The following MAP4K1 variants were observed in gnomAD, a reference collection of about 807,000 sequenced individuals.
The protein encoded by MAP4K1 is mitogen-activated protein kinase kinase kinase kinase 1, also known as MAPK/ERK kinase kinase kinase 1.
MAP4K1 carries 35 observed loss-of-function variants against 122.8 expected under a neutral mutation model. The observed-to-expected ratio is 0.29, with a 90% CI of 0.22 to 0.38. MAP4K1 has a LOEUF of 0.38. Among genes scored for constraint, MAP4K1 ranks in the 10% least tolerant of loss-of-function variants. MAP4K1 has a pLI of 1.00. For missense variants in MAP4K1, 791 were observed against 1,072.6 expected, an observed-to-expected ratio of 0.74 and a Z score of 3.67; for synonymous variants, 412 against 421.3, an observed-to-expected ratio of 0.98 and a Z score of 0.27.
intron 3 of MAP4K1, 70 bp from the exon 4 acceptor site, chr19:38,616,329 T>G: frequency 7.7e-7 from 1 of 1,300,688 alleles, no homozygotes; most frequent in Non-Finnish European, 1.1e-6. Context: ...AGCCCCTGGT[T>G]TGCTTCTGTC....
At chr19:38,607,581 G>A (rs1352505421) in intron 16 of MAP4K1, among the ~76,000 whole-genome samples, 1 of 135,504 alleles carries the variant, frequency 7.4e-6, no homozygotes, top group African/African-American at 2.7e-5. Context: ...AAAAAAAAAA[G>A]AAGAAGGTGG....
At chr19:38,592,117 T>C (rs971142709) in intron 30 of MAP4K1, among the ~76,000 whole-genome samples, 2 of 151,118 alleles carry the variant, frequency 1.3e-5, no homozygotes, top group Non-Finnish European at 2.9e-5. Flanking sequence ...ACAAAAAAAT[T>C]TTAAAAATTA....
intron 22 of MAP4K1, among the ~76,000 whole-genome samples, chr19:38,599,033 A>G (rs1974977743): frequency 6.8e-6 from 1 of 147,660 alleles, no homozygotes; most frequent in African/African-American, 2.5e-5. Flanking sequence ...AAAAAAAAAA[A>G]AAGGACTAAT....
rs1204935765 is a variant in MAP4K1 at position 38,617,856 on chromosome 19, G to A, written c.40C>T (p.Arg14Trp). The change falls in exon 1 of 31, where the codon CGG becomes TGG. Residue 14 changes from arginine to tryptophan, a missense_variant. Arg to Trp is a moderately radical substitution (Grantham distance 101). Transcript: ENST00000396857. The surrounding 1 kb of genome is among the most constrained non-coding windows in gnomAD (Gnocchi z 4.1). ...VDPDIFNRDP[R>W]DHYDLLQRLG... ...CGCTGTAGCAGGTCATAGTGGTCCC[G>A]GGGGTCTCTATTGAAAATGTCAGGG... 1.2e-6 allele frequency: 2 copies of A among 1,614,036 alleles called. No homozygotes were observed. Among genetic ancestry groups the A allele is most frequent in the Non-Finnish European group, 1.7e-6 (2 of 1,180,018 alleles).
chr19:38,617,911 C>G lies in MAP4K1; in HGVS notation c.-16G>C, dbSNP rs1975701796. 1.9e-6 allele frequency: 3 copies of G among 1,611,522 alleles called. No individual in the cohort carries two copies. The highest frequency in any genetic ancestry group is 3.3e-5 in the Admixed American group (2 of 60,004). ...CGACGTCCATCCCTGGGGGCCTGAG[C>G]TGGGCCTGCGCCCAGGGGCCAGCAG... On this transcript the variant is annotated 5_prime_UTR_variant, in exon 1 of 31. Transcript: ENST00000396857. The surrounding 1 kb of genome is among the most constrained non-coding windows in gnomAD (Gnocchi z 4.1).
chr19:38,589,726 T>A (rs1974648497), intron 30 of MAP4K1, among the ~76,000 whole-genome samples: 1 of 152,096 alleles, frequency 6.6e-6, no homozygotes, highest in Non-Finnish European at 1.5e-5. Context: ...GTGGGATACT[T>A]CTTATTACAA....
intron 20 of MAP4K1, 29 bp downstream of exon 20, chr19:38,601,411 AG>A (rs1252984324): frequency 6.3e-7 from 1 of 1,579,382 alleles, no homozygotes; most frequent in Non-Finnish European, 8.6e-7. Flanking sequence ...CATTCCCTAC[AG>A]GATCTCCTTG....
At chr19:38,613,299 T>C (rs1479390078) in intron 8 of MAP4K1, among the ~76,000 whole-genome samples, 9 of 99,684 alleles carry the variant, frequency 9.0e-5, no homozygotes, top group South Asian at 3.5e-4. Flanking sequence ...AGAGCAAAAC[T>C]CCGTCTCAAG....
intron 11 of MAP4K1, 141 bp downstream of exon 11, chr19:38,610,910 G>T: frequency 1.4e-6 from 1 of 724,686 alleles, no homozygotes; most frequent in Non-Finnish European, 2.4e-6. Flanking sequence ...GGTGGTCGGG[G>T]GTGGTCCTGG....
chr19:38,588,751 CAA>C (rs1207148126), intron 30 of MAP4K1, among the ~76,000 whole-genome samples: 33 of 98,208 alleles, frequency 3.4e-4, no homozygotes, highest in Non-Finnish European at 3.5e-4. Flanking sequence ...GCCTCTGTCT[CAA>C]AAAAAAAAAA....
Position 38,596,386 on chromosome 19 carries a change from C to A in MAP4K1, c.2042G>T (p.Arg681Leu), listed in dbSNP as rs201235545. The part of the protein sequence containing the change: ...PAVCIGVSPG[R>L]PGKSVLFHTV... ...GTGGAAGAGCACCGACTTCCCCGGC[C>A]GCCCGGGGCTCACGCCGATGCACAC... Residue 681 changes from arginine to leucine, a missense_variant, in exon 26 of 31, where the codon CGG becomes CTG. Around this residue, in one of 4 missense-constraint regions of MAP4K1, gnomAD observed 267 missense variants for 323.0 expected, o/e 0.83. Transcript: ENST00000396857. 6 of 1,598,314 alleles carry A rather than the reference C, an allele frequency of 3.8e-6. No homozygotes were observed. The highest frequency in any genetic ancestry group is 4.3e-6 in the Non-Finnish European group (5 of 1,175,496).
intron 19 of MAP4K1, among the ~76,000 whole-genome samples, chr19:38,604,840 A>C (rs1284810836): frequency 6.6e-6 from 1 of 151,268 alleles, no homozygotes; most frequent in East Asian, 1.9e-4. Context: ...TAATCCCAGC[A>C]CTTTGGGAGG....
Position 38,611,942 on chromosome 19 carries a change from A to G in MAP4K1, c.666-637T>C, listed in dbSNP as rs536645518. ...AGTGAAACCCCGTCTCTACCAAAAC[A>G]TACAAAAATTAGCCAGGCATGGTGG... On this transcript the variant is annotated intron_variant, in intron 9 of 30. Coordinates refer to ENST00000396857, the MANE Select transcript of MAP4K1 (RefSeq NM_001042600.3). 7.9e-5 allele frequency among the ~76,000 whole-genome samples: 12 copies of G among 151,420 alleles called. No individual in the cohort carries two copies. In the East Asian group the frequency reaches 2.1e-3, roughly 27 times the overall value.
chr19:38,614,198 T>C (rs767782021), intron 6 of MAP4K1, 47 bp downstream of exon 6: 1 of 1,610,240 alleles, frequency 6.2e-7, no homozygotes, highest in Non-Finnish European at 8.5e-7. Context: ...GCCACTCCCA[T>C]CTCCTGGGCC....
chr19:38,617,692 G>A lies in MAP4K1; in HGVS notation c.100-67C>T, dbSNP rs967771544. 6.4e-5 allele frequency: 103 copies of A among 1,605,064 alleles called. 1 individual carries two copies. Among genetic ancestry groups the A allele is most frequent in the South Asian group, 4.3e-4 (39 of 90,928 alleles). ...CAGAGTCCCTCCACAGCATCCCTGA[G>A]TCAAGGTCAAGAACTGGGACCCCCT... is the stretch of plus-strand genomic sequence containing the variant. On this transcript the variant is annotated intron_variant, in intron 1 of 30. Transcript: ENST00000396857. The surrounding 1 kb of genome is among the most constrained non-coding windows in gnomAD (Gnocchi z 4.1).
rs1226308372 is a variant in MAP4K1 at position 38,597,903 on chromosome 19, T to G, written c.1670-309A>C. Among the ~76,000 whole-genome samples the G allele has an allele frequency of 1.3e-5, 2 of 152,202 alleles. No homozygotes were observed. The highest frequency in any genetic ancestry group is 2.9e-5 in the Non-Finnish European group (2 of 68,046). On this transcript the variant is annotated intron_variant, in intron 22 of 30. Transcript: ENST00000396857. The surrounding 1 kb of genome is among the most constrained non-coding windows in gnomAD (Gnocchi z 4.6). The stretch of plus-strand genomic sequence containing the variant: ...AACCAGTCAGATGAAGTTACACATC[T>G]TACAAAGTTTTAGAAGAAACACATC...
chr19:38,593,060 A>G (rs929787510), intron 30 of MAP4K1, among the ~76,000 whole-genome samples: 9 of 152,160 alleles, frequency 5.9e-5, no homozygotes, highest in African/African-American at 2.2e-4. Context: ...TGGTCGTGCC[A>G]TTGCACTCCA....
At chr19:38,601,890 G>C (rs554021013) in intron 19 of MAP4K1, among the ~76,000 whole-genome samples, 152 of 152,060 alleles carry the variant, frequency 1.0e-3, no homozygotes, top group African/African-American at 3.6e-3. Context: ...TGATTCTCAT[G>C]CCTAAGCCTT....
At chr19:38,605,117 A>G (rs1975285035) in intron 19 of MAP4K1, among the ~76,000 whole-genome samples, 2 of 150,904 alleles carry the variant, frequency 1.3e-5, no homozygotes, top group Admixed American at 6.6e-5. Flanking sequence ...AGAAACAACA[A>G]TCCTGCCTCA....
Sources: gnomAD v4.1 joint callset for allele counts (sites outside exome capture counted in the v4.1 genomes callset) on GRCh38, gnomAD v4.1.1 for gene constraint, gnomAD v4.1.1 regional missense constraint, Gnocchi (gnomAD v3.1) non-coding constraint, MANE v1.5 for transcripts, NCBI Gene and HGNC (gene_info 2026-07-23, HGNC 2026-07-21) for gene names.